ST14: variants seen among roughly 807,000 people sequenced by gnomAD.
ST14 encodes the protein ST14 transmembrane serine protease matriptase.
Under a neutral mutation model 96.5 loss-of-function variants are expected in ST14, and 40 were observed. The ratio of observed to expected loss-of-function variants is 0.41; its 90% CI spans 0.32 to 0.54. The LOEUF is 0.54. Ranked by LOEUF, ST14 falls within the 20% of genes least tolerant of loss-of-function variation. ST14 has a pLI of 0.17. For missense variants in ST14, 1,066 were observed against 1,188.9 expected (o/e 0.90, Z 1.52); for synonymous variants, 506 against 492.1 (o/e 1.03, Z -0.37).
chr11:130,195,637 G>A (rs858709), intron 9 of ST14, among the ~76,000 whole-genome samples: 126,333 of 152,010 alleles, frequency 0.83, 52,611 homozygotes, highest in East Asian at 0.94. Context: ...GGTGGATCAC[G>A]AGGTCAGGAG....
chr11:130,177,296 G>T (rs1271436361), intron 1 of ST14, among the ~76,000 whole-genome samples: 3 of 151,824 alleles, frequency 2.0e-5, no homozygotes, highest in Non-Finnish European at 2.9e-5. Flanking sequence ...CGGGCGCGGT[G>T]GCTCACGCCT....
chr11:130,183,944 G>A (rs1404979718), intron 1 of ST14, among the ~76,000 whole-genome samples: 2 of 152,226 alleles, frequency 1.3e-5, no homozygotes, highest in Admixed American at 6.5e-5. Flanking sequence ...GATAAATGCA[G>A]CAACAACCAA....
In ST14 at chr11:130,208,605, C is replaced by T. The variant is rs1953513348; in HGVS notation, c.2190C>T (p.Ile730=). ...AGTACAGCTCCATGGTGCGGCCCAT[C>T]TGCCTGCCGGACGCCTCCCATGTCT... is the stretch of plus-strand genomic sequence containing the variant. The part of the protein sequence containing the change: ...PAEYSSMVRP[I]CLPDASHVFP... Residue 730 remains isoleucine (I), a synonymous_variant, in exon 17 of 19, where the codon ATC becomes ATT. Transcript: ENST00000278742. 2 of 1,614,000 alleles carry T rather than the reference C, an allele frequency of 1.2e-6. No individual in the cohort carries two copies. Among genetic ancestry groups the T allele is most frequent in the East Asian group, 2.2e-5 (1 of 44,898 alleles).
intron 4 of ST14, chr11:130,189,446 G>T: frequency 1.9e-6 from 1 of 521,868 alleles, no homozygotes; most frequent in Middle Eastern, 5.2e-4. Context: ...GTGACACTCG[G>T]TGTGTCCTCG....
chr11:130,172,923 A>C (rs964017557), intron 1 of ST14, among the ~76,000 whole-genome samples: 3 of 152,304 alleles, frequency 2.0e-5, no homozygotes, highest in African/African-American at 7.2e-5. Context: ...ACGCATCTGC[A>C]GTGGGACCCT....
chr11:130,161,531 C>T (rs1952998616), intron 1 of ST14, among the ~76,000 whole-genome samples: 2 of 152,230 alleles, frequency 1.3e-5, no homozygotes, highest in Admixed American at 1.3e-4. Context: ...AGCCTCCTCT[C>T]TGAGCCATCT....
chr11:130,185,864 G>C (rs1027205912), intron 1 of ST14, among the ~76,000 whole-genome samples: 1 of 150,072 alleles, frequency 6.7e-6, no homozygotes, highest in Non-Finnish European at 1.5e-5. Flanking sequence ...CCGGAGTTCA[G>C]TGGCGCAATC....
At position 130,206,407 on chromosome 11, in the gene ST14, G is replaced by A. The variant is rs1474161559; in HGVS notation, c.1995-2003G>A. 3.9e-5 allele frequency among the ~76,000 whole-genome samples: 6 copies of A among 152,086 alleles called. No individual in the cohort carries two copies. The East Asian group carries it at 5.8e-4, about 15-fold the overall frequency. ...TTCTTTGAATCAGCGTGAGTGTCTC[G>A]TTCTCCAGCCGTACTTTGCCCGGCG... is the stretch of plus-strand genomic sequence containing the variant. On this transcript the variant is annotated intron_variant, in intron 16 of 18. Transcript: ENST00000278742.
At chr11:130,196,252 G>A in intron 9 of ST14, 87 bp from the exon 10 acceptor site, 1 of 1,009,842 alleles carries the variant, frequency 9.9e-7, no homozygotes, top group Non-Finnish European at 1.5e-6. Flanking sequence ...TCTCTCCCTG[G>A]TCCATGCCGC....
intron 7 of ST14, among the ~76,000 whole-genome samples, chr11:130,191,602 A>C (rs905407272): frequency 2.6e-5 from 4 of 151,372 alleles, no homozygotes; most frequent in South Asian, 2.1e-4. Flanking sequence ...AGGCGGGAGA[A>C]TCACTTGAAC....
chr11:130,208,984 G>A (rs1953517997), intron 17 of ST14, among the ~76,000 whole-genome samples: 1 of 152,202 alleles, frequency 6.6e-6, no homozygotes, highest in South Asian at 2.1e-4. Flanking sequence ...CTTAAGCCCA[G>A]TGGTGCTTAA....
rs780106703 is a variant in ST14, at chr11:130,196,611, GCAA to G, written c.1269_1271del (p.Asn423del). Reference sequence around the variant, plus strand: ...TCCCAGTTCGTCGTCACCAGCAACAGCAACAAGATCACAGTTCGCTTCCACTCA... The same window carrying G: ...TCCCAGTTCGTCGTCACCAGCAACAGCAAGATCACAGTTCGCTTCCACTCA... On this transcript the variant is annotated inframe_deletion, in exon 11 of 19. Coordinates refer to ENST00000278742, the MANE Select transcript of ST14 (RefSeq NM_021978.4). 1.9e-6 allele frequency: 3 copies of G among 1,612,794 alleles called. No homozygotes were observed. The highest frequency in any genetic ancestry group is 1.7e-5 in the Admixed American group (1 of 59,908).
At chr11:130,183,798 T>C (rs1953214793) in intron 1 of ST14, among the ~76,000 whole-genome samples, 2 of 152,218 alleles carry the variant, frequency 1.3e-5, no homozygotes, top group Non-Finnish European at 2.9e-5. Context: ...CAGTTTTTCA[T>C]TGCTGATATG....
intron 1 of ST14, among the ~76,000 whole-genome samples, chr11:130,172,402 G>GGCT (rs1214267158): frequency 6.8e-6 from 1 of 147,984 alleles, no homozygotes; most frequent in Non-Finnish European, 1.5e-5. Flanking sequence ...CACTGTGCCT[G>GGCT]GCTGTCTTCT....
At chr11:130,172,201 A>ACATCC (rs1953098824) in intron 1 of ST14, among the ~76,000 whole-genome samples, 1 of 150,780 alleles carries the variant, frequency 6.6e-6, no homozygotes, top group Non-Finnish European at 1.5e-5. Context: ...TGCAGCCTTG[A>ACATCC]CATCCCAGGC....
intron 11 of ST14, 180 bp downstream of exon 11, chr11:130,196,880 G>A (rs976882834): frequency 1.4e-5 from 13 of 900,508 alleles, no homozygotes; most frequent in Admixed American, 1.3e-4. Context: ...AATGAAAGCA[G>A]GCTGGCTGTG....
intron 1 of ST14, among the ~76,000 whole-genome samples, chr11:130,163,717 AG>A (rs1438288326): frequency 6.6e-6 from 1 of 152,192 alleles, no homozygotes; most frequent in Non-Finnish European, 1.5e-5. Flanking sequence ...TGCCTTCTCC[AG>A]GGGCTTTCTG....
chr11:130,183,516 G>A (rs910434836), intron 1 of ST14, among the ~76,000 whole-genome samples: 5 of 149,510 alleles, frequency 3.3e-5, no homozygotes, highest in African/African-American at 1.2e-4. Flanking sequence ...AGACCAGCCT[G>A]GGCAACATAG....
chr11:130,192,256 C>G (rs1033334477), intron 7 of ST14, among the ~76,000 whole-genome samples: 2 of 152,194 alleles, frequency 1.3e-5, no homozygotes, highest in Non-Finnish European at 2.9e-5. Context: ...GCTTCGTAAC[C>G]AGGACTTCTT....
Sources: allele counts gnomAD v4.1 joint callset (sites outside exome capture counted in the v4.1 genomes callset), GRCh38; gene constraint gnomAD v4.1.1; transcripts MANE v1.5; gene names NCBI Gene and HGNC (gene_info 2026-07-23, HGNC 2026-07-21).